The following FILIP1L variants were observed in gnomAD, a reference collection of about 807,000 sequenced individuals.
FILIP1L encodes filamin A-interacting protein 1-like.
In FILIP1L, 55 loss-of-function variants were observed where a neutral mutation model predicts 96.6. That is an observed-to-expected ratio of 0.57 (90% CI 0.46 to 0.71). The LOEUF (loss-of-function observed/expected upper bound fraction) is 0.71, where lower values mean the gene tolerates loss of function less well. Ranked by LOEUF, FILIP1L falls within the 30% of genes least tolerant of loss-of-function variation. The pLI is 0.00. For missense variants in FILIP1L, 1,304 were observed against 1,321.2 expected (o/e 0.99, Z 0.20); for synonymous variants, 467 against 473.9 (o/e 0.99, Z 0.19).
intron 4 of FILIP1L, among the ~76,000 whole-genome samples, chr3:99,909,850 TCA>T (rs1163044898): frequency 2.0e-5 from 3 of 152,206 alleles, no homozygotes; most frequent in Admixed American, 6.5e-5. Flanking sequence ...GTGATGAAAG[TCA>T]CAGTCTGCAA....
At chr3:100,054,539 T>C (rs199706650) in intron 1 of FILIP1L, among the ~76,000 whole-genome samples, 44 of 125,668 alleles carry the variant, frequency 3.5e-4, no homozygotes, top group East Asian at 7.0e-4. Context: ...TATGTTATGT[T>C]ATGTCATGTT....
intron 1 of FILIP1L, among the ~76,000 whole-genome samples, chr3:100,070,005 T>G (rs1467581241): frequency 1.3e-5 from 2 of 152,188 alleles, no homozygotes; most frequent in Non-Finnish European, 2.9e-5. Context: ...ACATAATTCT[T>G]GTTTGATCCT....
At chr3:99,844,657 A>G (rs1943282401) in intron 5 of FILIP1L, among the ~76,000 whole-genome samples, 1 of 152,196 alleles carries the variant, frequency 6.6e-6, no homozygotes, top group South Asian at 2.1e-4. Context: ...TATCCCTTCT[A>G]TGACCATCTC....
chr3:100,009,232 C>A (rs542036986), intron 1 of FILIP1L, among the ~76,000 whole-genome samples: 1 of 152,142 alleles, frequency 6.6e-6, no homozygotes, highest in Admixed American at 6.6e-5. Context: ...TTTTAACCTA[C>A]GGTATTATCA....
intron 1 of FILIP1L, among the ~76,000 whole-genome samples, chr3:99,969,527 T>A (rs560181417): frequency 6.6e-6 from 1 of 152,092 alleles, no homozygotes; most frequent in South Asian, 2.1e-4. Flanking sequence ...TCTAAAGATA[T>A]TAGTGAAAGA....
At chr3:100,104,765 C>T (rs566875535) in intron 1 of FILIP1L, among the ~76,000 whole-genome samples, 3 of 152,264 alleles carry the variant, frequency 2.0e-5, no homozygotes, top group African/African-American at 7.2e-5. Flanking sequence ...TCAAGAGAAA[C>T]TCAGAAAAAA....
intron 1 of FILIP1L, among the ~76,000 whole-genome samples, chr3:100,019,704 A>G (rs1348996597): frequency 2.0e-5 from 3 of 152,204 alleles, no homozygotes; most frequent in Non-Finnish European, 2.9e-5. Flanking sequence ...GTATGAATGT[A>G]TGCTGATGTA....
At chr3:100,070,701 G>A (rs1468437528) in intron 1 of FILIP1L, among the ~76,000 whole-genome samples, 1 of 151,978 alleles carries the variant, frequency 6.6e-6, no homozygotes, top group Non-Finnish European at 1.5e-5. Context: ...GCGCAATCTC[G>A]GCTCACTGCA....
At chr3:99,937,051 C>T (rs1179580041) in intron 1 of FILIP1L, among the ~76,000 whole-genome samples, 1 of 152,096 alleles carries the variant, frequency 6.6e-6, no homozygotes, top group African/African-American at 2.4e-5. Context: ...AATTTTCCTG[C>T]CTCAGCCTCC....
At chr3:100,096,630 T>G in intron 1 of FILIP1L, among the ~76,000 whole-genome samples, 3 of 144,894 alleles carry the variant, frequency 2.1e-5, no homozygotes, top group Admixed American at 7.0e-5. Context: ...TAGTAGGGGG[T>G]GGGGAGGAGA....
chr3:100,057,293 AGATGTTACT>A (rs1485501531), intron 1 of FILIP1L, among the ~76,000 whole-genome samples: 5 of 152,222 alleles, frequency 3.3e-5, no homozygotes, highest in African/African-American at 1.2e-4. Flanking sequence ...GAAAGCAGTG[AGATGTTACT>A]TTAAGGAAAG....
intron 4 of FILIP1L, chr3:99,876,283 C>G (rs1176416156): frequency 3.3e-6 from 3 of 908,162 alleles, no homozygotes; most frequent in Non-Finnish European, 4.0e-6. Context: ...ACCGCGGGAC[C>G]CTCGGCCGCG....
Position 100,018,187 on chromosome 3 carries a change from G to A in FILIP1L, c.-10-87157C>T, listed in dbSNP as rs144051527. ...TTAAAAATACAAAAATTAGCCGGGC[G>A]TGGTGGCATGTCCCTGTAATCCCAG... On this transcript the variant is annotated intron_variant, in intron 1 of 5. Coordinates refer to ENST00000477258, the MANE Select transcript of FILIP1L (RefSeq NM_001387850.1). Among the ~76,000 whole-genome samples the A allele has an allele frequency of 2.6e-3, 398 of 152,210 alleles. 1 individual carries two copies. The highest frequency in any genetic ancestry group is 8.9e-3 in the African/African-American group (371 of 41,512).
At chr3:99,910,872 A>G (rs1488956980) in intron 4 of FILIP1L, among the ~76,000 whole-genome samples, 3 of 152,202 alleles carry the variant, frequency 2.0e-5, no homozygotes, top group Non-Finnish European at 4.4e-5. Context: ...AAACTCAAAC[A>G]ATGGCCAAAG....
chr3:100,085,310 G>A (rs1416281542), intron 1 of FILIP1L, among the ~76,000 whole-genome samples: 1 of 152,152 alleles, frequency 6.6e-6, no homozygotes, highest in African/African-American at 2.4e-5. Context: ...ACACTAAGAG[G>A]ACTGATGTTT....
At chr3:100,094,727 G>T (rs1160290686) in intron 1 of FILIP1L, among the ~76,000 whole-genome samples, 1 of 119,600 alleles carries the variant, frequency 8.4e-6, no homozygotes, top group Non-Finnish European at 1.6e-5. Context: ...TCTGTCACCC[G>T]AGCTGGAGTG....
At chr3:100,040,461 A>C (rs1004726035) in intron 1 of FILIP1L, 1 of 152,218 alleles carries the variant, frequency 6.6e-6, no homozygotes, top group Non-Finnish European at 1.5e-5. Flanking sequence ...GAAACAGTTT[A>C]GGTAGCATCA....
intron 1 of FILIP1L, among the ~76,000 whole-genome samples, chr3:99,992,207 A>T (rs1709544577): frequency 6.6e-6 from 1 of 151,994 alleles, no homozygotes; most frequent in Non-Finnish European, 1.5e-5. Context: ...TGCTGAATCA[A>T]ATGGTAGTTC....
Position 99,849,487 on chromosome 3 carries a change from A to C in FILIP1L, c.2189T>G (p.Met730Arg), listed in dbSNP as rs763793326. 8.7e-6 allele frequency: 14 copies of C among 1,613,352 alleles called. No individual in the cohort carries two copies. The African/African-American group carries it at 1.2e-4, about 14-fold the overall frequency. The change falls in exon 5 of 6, where the codon ATG becomes AGG. Residue 730 changes from methionine (M) to arginine (R), a missense_variant. Transcript: ENST00000477258. ...GTGACATATTAGGTCTTCAGTTGCC[A>C]TGTATTCATGAATTTTCTCTTTTAA... ...DALKEKIHEY[M>R]ATEDLICHLQ...
Sources: gnomAD v4.1 joint callset for allele counts (sites outside exome capture counted in the v4.1 genomes callset) on GRCh38, gnomAD v4.1.1 for gene constraint, MANE v1.5 for transcripts, NCBI Gene and HGNC (gene_info 2026-07-23, HGNC 2026-07-21) for gene names.